The following KDM4C variants were observed in gnomAD, a reference collection of about 807,000 sequenced individuals.
KDM4C encodes lysine demethylase 4C, also known as lysine-specific demethylase 4C.
A neutral mutation model predicts 129.3 loss-of-function variants in KDM4C; 81 were observed. The ratio of observed to expected loss-of-function variants is 0.63; its 90% CI spans 0.52 to 0.75. The LOEUF is 0.75. KDM4C is among the 30% of genes least tolerant of loss of function. The pLI is 0.00. For synonymous variants in KDM4C, 573 were observed against 456.1 expected, an observed-to-expected ratio of 1.26 and a Z score of -3.26; for missense variants, 1,457 against 1,304.0, an observed-to-expected ratio of 1.12 and a Z score of -1.81.
At chr9:7,138,024 A>G (rs901121471) in intron 19 of KDM4C, among the ~76,000 whole-genome samples, 1 of 152,212 alleles carries the variant, frequency 6.6e-6, no homozygotes, top group Non-Finnish European at 1.5e-5. Flanking sequence ...AAGTTAGTTA[A>G]TTTTCATGGG....
At chr9:6,988,697 C>G (rs1416158816) in intron 11 of KDM4C, among the ~76,000 whole-genome samples, 1 of 152,030 alleles carries the variant, frequency 6.6e-6, no homozygotes, top group Non-Finnish European at 1.5e-5. Flanking sequence ...TCCATCCATC[C>G]ATCCATCCAT....
At chr9:6,865,811 C>T (rs1001929338) in intron 5 of KDM4C, among the ~76,000 whole-genome samples, 13 of 151,808 alleles carry the variant, frequency 8.6e-5, no homozygotes, top group East Asian at 1.9e-4. Context: ...AGTGCAGTGG[C>T]GCAATCTCTG....
chr9:6,984,137 G>T (rs777148861), intron 9 of KDM4C, 29 bp from the exon 10 acceptor site: 1 of 1,470,366 alleles, frequency 6.8e-7, no homozygotes, highest in Non-Finnish European at 9.5e-7. Context: ...CAGACATCCC[G>T]CTCTGACCAC....
chr9:7,048,752 C>G (rs1829756109), intron 16 of KDM4C, among the ~76,000 whole-genome samples: 1 of 152,054 alleles, frequency 6.6e-6, no homozygotes, highest in African/African-American at 2.4e-5. Context: ...AGCTTAAGTA[C>G]TTTAAGCACA....
intron 4 of KDM4C, among the ~76,000 whole-genome samples, chr9:6,833,833 G>C (rs1247472670): frequency 1.3e-5 from 2 of 152,134 alleles, no homozygotes. Context: ...TTCTGCGGTT[G>C]CCATTTTAAG....
chr9:6,925,210 C>T (rs988876815), intron 8 of KDM4C: 2 of 985,256 alleles, frequency 2.0e-6, no homozygotes, highest in Admixed American at 1.2e-4. Context: ...GGCGATACAG[C>T]TCATGTGAGA....
At chr9:7,146,942 G>T (rs1842272384) in intron 19 of KDM4C, among the ~76,000 whole-genome samples, 1 of 152,110 alleles carries the variant, frequency 6.6e-6, no homozygotes. Flanking sequence ...AATCCCAAAG[G>T]TGGCCTCCCA....
chr9:7,061,055 T>C (rs546706898), intron 17 of KDM4C, among the ~76,000 whole-genome samples: 4 of 152,318 alleles, frequency 2.6e-5, no homozygotes, highest in Middle Eastern at 3.4e-3. Context: ...ATGCCTGTAT[T>C]TACTTTGTTT....
In KDM4C at chr9:6,986,374, A is replaced by T; in HGVS notation, c.1385A>T (p.Glu462Val). ...GNSCLSTSVT[E>V]DIKTEDDKAY... ...AGCTGCTTAAGTACATCTGTAACAGAAGACATAAAAACTGAGGATGACAAA... is the reference window on the plus strand; with the variant it reads ...AGCTGCTTAAGTACATCTGTAACAGTAGACATAAAAACTGAGGATGACAAA... The change falls in exon 11 of 22, where the codon GAA (glutamate) becomes GTA (valine). Residue 462 changes from glutamate (E) to valine (V), a missense_variant. Transcript: ENST00000381309. 3 of 1,612,834 alleles carry T rather than the reference A, an allele frequency of 1.9e-6. No homozygotes were observed. The highest frequency in any genetic ancestry group is 2.5e-6 in the Non-Finnish European group (3 of 1,179,010).
chr9:6,880,794 C>CT (rs1415492379), intron 6 of KDM4C, among the ~76,000 whole-genome samples: 2 of 152,182 alleles, frequency 1.3e-5, no homozygotes, highest in South Asian at 2.1e-4. Flanking sequence ...CTCCTTCCTC[C>CT]TTTTTTTTAA....
intron 1 of KDM4C, among the ~76,000 whole-genome samples, chr9:6,773,149 A>G (rs959768299): frequency 4.0e-5 from 6 of 151,468 alleles, no homozygotes; most frequent in African/African-American, 1.5e-4. Context: ...ACAGGTGCAC[A>G]CTACTACACC....
chr9:6,955,411 T>G lies in KDM4C; in HGVS notation c.922-25514T>G, dbSNP rs541364017. 5.3e-5 allele frequency among the ~76,000 whole-genome samples: 8 copies of G among 152,338 alleles called. No homozygotes were observed. In the East Asian group the frequency reaches 1.5e-3, roughly 29 times the overall value. ...TCCTTGGTTCACCCTTTGTTTTTCA[T>G]GCAGTGCAGTGGACCATGACTCAGG... is the stretch of plus-strand genomic sequence containing the variant. On this transcript the variant is annotated intron_variant, in intron 8 of 21. Coordinates refer to ENST00000381309, the MANE Select transcript of KDM4C (RefSeq NM_015061.6).
intron 1 of KDM4C, among the ~76,000 whole-genome samples, chr9:6,774,590 G>A (rs774724537): frequency 6.6e-5 from 10 of 152,174 alleles, no homozygotes; most frequent in Non-Finnish European, 1.2e-4. Flanking sequence ...ACTTGAACCT[G>A]GGAGGTGGAG....
chr9:6,998,673 G>A (rs1172244606), intron 12 of KDM4C, among the ~76,000 whole-genome samples: 1 of 152,156 alleles, frequency 6.6e-6, no homozygotes, highest in East Asian at 1.9e-4. Context: ...GCACACACCT[G>A]TAATCCCAGC....
intron 6 of KDM4C, 141 bp downstream of exon 6, chr9:6,880,202 T>G (rs1261337760): frequency 2.2e-6 from 1 of 450,636 alleles, no homozygotes; most frequent in Admixed American, 4.0e-5. Context: ...CTTTTACATG[T>G]TTTTTTAATT....
chr9:6,973,144 G>A (rs972680465), intron 8 of KDM4C, among the ~76,000 whole-genome samples: 1 of 152,174 alleles, frequency 6.6e-6, no homozygotes, highest in Non-Finnish European at 1.5e-5. Context: ...TCATTGAATT[G>A]TCAAACTTTT....
chr9:7,129,538 A>C (rs1281111371), intron 19 of KDM4C, among the ~76,000 whole-genome samples: 1 of 152,128 alleles, frequency 6.6e-6, no homozygotes, highest in Non-Finnish European at 1.5e-5. Context: ...CATCCCTTCA[A>C]GCACTCAATC....
At chr9:7,128,293 A>C in intron 19 of KDM4C, 57 bp downstream of exon 19, 1 of 1,352,436 alleles carries the variant, frequency 7.4e-7, no homozygotes, top group East Asian at 2.7e-5. Context: ...AAAAAACCAA[A>C]GTAACTGAGC....
At chr9:6,798,395 A>G (rs1342526350) in intron 2 of KDM4C, among the ~76,000 whole-genome samples, 1 of 152,038 alleles carries the variant, frequency 6.6e-6, no homozygotes, top group Admixed American at 6.6e-5. Flanking sequence ...TCCTAGGCAG[A>G]GTGTTTGTGT....
Sources: allele counts gnomAD v4.1 joint callset (sites outside exome capture counted in the v4.1 genomes callset), GRCh38; gene constraint gnomAD v4.1.1; transcripts MANE v1.5; gene names NCBI Gene and HGNC (gene_info 2026-07-23, HGNC 2026-07-21).